ETV1: variants seen among roughly 807,000 people sequenced by gnomAD.
The protein encoded by ETV1 is ETS translocation variant 1.
A neutral mutation model predicts 62.3 loss-of-function variants in ETV1; 27 were observed. The observed-to-expected ratio is 0.43, with a 90% CI of 0.32 to 0.60. ETV1 has a LOEUF of 0.60. ETV1 is among the 20% of genes least tolerant of loss of function. The probability of loss-of-function intolerance (pLI) is 0.06; values close to 1 mark genes in which losing one functional copy is unlikely to be tolerated. For missense variants in ETV1, 605 were observed against 605.8 expected (o/e 1.00, Z 0.01); for synonymous variants, 222 against 199.6 (o/e 1.11, Z -0.94).
chr7:13,977,983 T>G (rs1305286912), intron 5 of ETV1, among the ~76,000 whole-genome samples: 1 of 152,166 alleles, frequency 6.6e-6, no homozygotes, highest in African/African-American at 2.4e-5. Flanking sequence ...TATTTTAAGA[T>G]GCTTGCACTG....
At chr7:13,971,178 C>T (rs1297962177) in intron 6 of ETV1, among the ~76,000 whole-genome samples, 2 of 152,102 alleles carry the variant, frequency 1.3e-5, no homozygotes, top group East Asian at 3.9e-4. Flanking sequence ...GCCATGTTAG[C>T]CAGGCTAGTC....
At chr7:13,898,189 G>A (rs765285847) in intron 13 of ETV1, among the ~76,000 whole-genome samples, 1 of 152,124 alleles carries the variant, frequency 6.6e-6, no homozygotes, top group African/African-American at 2.4e-5. Context: ...AAGTACTAAC[G>A]TGCAAAATGC....
intron 9 of ETV1, among the ~76,000 whole-genome samples, chr7:13,913,614 A>C (rs969264747): frequency 1.8e-4 from 28 of 152,326 alleles, no homozygotes; most frequent in African/African-American, 6.7e-4. Context: ...GATCCTCACA[A>C]GTATTTAAAC....
intron 9 of ETV1, among the ~76,000 whole-genome samples, chr7:13,930,854 G>A (rs1176735823): frequency 1.3e-5 from 2 of 151,836 alleles, no homozygotes; most frequent in East Asian, 3.9e-4. Flanking sequence ...AGGCTGGAGT[G>A]CAGTGGTGCG....
intron 13 of ETV1, chr7:13,900,238 T>A (rs1400250327): frequency 6.6e-6 from 1 of 152,350 alleles, no homozygotes; most frequent in Non-Finnish European, 1.5e-5. Flanking sequence ...TCATTTTTAA[T>A]GAATGGTTTA....
At chr7:13,931,170 C>G (rs1786099065) in intron 9 of ETV1, among the ~76,000 whole-genome samples, 1 of 151,954 alleles carries the variant, frequency 6.6e-6, no homozygotes, top group African/African-American at 2.4e-5. Context: ...TTAAGTAGCA[C>G]TGTAGTAGCA....
Position 13,892,406 on chromosome 7 carries a change from G to T in ETV1, c.*3460C>A. Reference sequence around the variant, plus strand: ...CAAAATTATTTATGCAGAATAAGGGGAAAATATCTCAGTGGTAAATAAAAG... The same window carrying T: ...CAAAATTATTTATGCAGAATAAGGGTAAAATATCTCAGTGGTAAATAAAAG... On this transcript the variant is annotated 3_prime_UTR_variant, in exon 14 of 14. Transcript: ENST00000430479. 4.3e-6 allele frequency: 1 copy of T among 232,648 alleles called. No individual in the cohort carries two copies. The highest frequency in any genetic ancestry group is 8.5e-6 in the Non-Finnish European group (1 of 117,720). 14.4% of individuals were successfully genotyped at this position (232,648 alleles called of 1,614,324 possible).
At chr7:13,951,971 T>C (rs1263953891) in intron 6 of ETV1, among the ~76,000 whole-genome samples, 1 of 152,184 alleles carries the variant, frequency 6.6e-6, no homozygotes, top group African/African-American at 2.4e-5. Context: ...CTTCAAGCCA[T>C]CAGATGTTAC....
chr7:13,947,387 C>T (rs1788288683), intron 6 of ETV1, among the ~76,000 whole-genome samples: 1 of 92,270 alleles, frequency 1.1e-5, no homozygotes, highest in Non-Finnish European at 2.2e-5. Context: ...AAAACACTAA[C>T]TATACAAAAA....
chr7:13,938,284 G>A (rs541974747), intron 7 of ETV1, among the ~76,000 whole-genome samples: 41 of 152,194 alleles, frequency 2.7e-4, no homozygotes, highest in African/African-American at 4.1e-4. Flanking sequence ...CATAAACAGC[G>A]TATGCAATAA....
At chr7:13,969,476 A>G (rs1297892038) in intron 6 of ETV1, among the ~76,000 whole-genome samples, 2 of 152,202 alleles carry the variant, frequency 1.3e-5, no homozygotes, top group Non-Finnish European at 2.9e-5. Flanking sequence ...TTACAACTTA[A>G]TTGCAAAAGA....
chr7:13,896,693 A>AGAGAGAGAAAGAAAG (rs1554288375), intron 13 of ETV1, among the ~76,000 whole-genome samples: 5 of 139,480 alleles, frequency 3.6e-5, no homozygotes, highest in African/African-American at 1.1e-4. Context: ...GAAAGAAAAG[A>AGAGAGAGAAAGAAAG]GAGAGAGAAA....
chr7:13,973,692 A>G (rs988459207), intron 6 of ETV1, among the ~76,000 whole-genome samples: 3 of 151,646 alleles, frequency 2.0e-5, no homozygotes, highest in African/African-American at 7.3e-5. Context: ...GCCTCTGTTT[A>G]TGGGTTTTTT....
At chr7:13,939,833 C>A (rs1295353926) in intron 6 of ETV1, among the ~76,000 whole-genome samples, 1 of 152,126 alleles carries the variant, frequency 6.6e-6, no homozygotes, top group Non-Finnish European at 1.5e-5. Context: ...TATCTAATTA[C>A]CAGAACTGTG....
At chr7:13,988,847 G>A in intron 3 of ETV1, 161 bp downstream of exon 3, 1 of 1,592,156 alleles carries the variant, frequency 6.3e-7, no homozygotes, top group Non-Finnish European at 8.6e-7. Flanking sequence ...AGCTCATTTT[G>A]AAGACTGGGC....
chr7:13,956,982 C>A (rs976706603), intron 6 of ETV1, among the ~76,000 whole-genome samples: 23 of 152,176 alleles, frequency 1.5e-4, no homozygotes, highest in African/African-American at 5.5e-4. Context: ...GGAGGTATAT[C>A]CAAATACTCA....
At chr7:13,937,041 CAA>C (rs145484724) in intron 7 of ETV1, among the ~76,000 whole-genome samples, 6 of 149,948 alleles carry the variant, frequency 4.0e-5, no homozygotes, top group African/African-American at 1.5e-4. Context: ...GACCCTGTCT[CAA>C]AAAAAAATAA....
chr7:13,922,744 C>T (rs938509481), intron 9 of ETV1, among the ~76,000 whole-genome samples: 15 of 152,136 alleles, frequency 9.9e-5, no homozygotes, highest in African/African-American at 3.6e-4. Flanking sequence ...ATTTCTACTC[C>T]CTGTGTTCCA....
intron 6 of ETV1, chr7:13,959,112 AT>A (rs1472094813): frequency 2.6e-5 from 4 of 151,672 alleles, no homozygotes; most frequent in African/African-American, 9.7e-5. Context: ...GTCAGGTAGT[AT>A]TTTTTTAATC....
Sources: allele counts gnomAD v4.1 joint callset (sites outside exome capture counted in the v4.1 genomes callset), GRCh38; gene constraint gnomAD v4.1.1; transcripts MANE v1.5; gene names NCBI Gene and HGNC (gene_info 2026-07-23, HGNC 2026-07-21).